The following MAST4 variants were observed in gnomAD, a reference collection of about 807,000 sequenced individuals.
MAST4 encodes microtubule-associated serine/threonine-protein kinase 4.
In MAST4, 89 loss-of-function variants were observed where a neutral mutation model predicts 162.7. That is an observed-to-expected ratio of 0.55 (90% CI 0.46 to 0.65). The LOEUF is 0.65. Ranked by LOEUF, MAST4 falls within the 30% of genes least tolerant of loss-of-function variation. MAST4 has a pLI of 0.00. For synonymous variants in MAST4, 1,479 were observed against 1,361.1 expected (o/e 1.09, Z -1.91); for missense variants, 3,153 against 3,374.0 (o/e 0.93, Z 1.62).
At chr5:66,641,287 G>T (rs1049044595) in intron 1 of MAST4, among the ~76,000 whole-genome samples, 2 of 152,104 alleles carry the variant, frequency 1.3e-5, no homozygotes, top group African/African-American at 4.8e-5. Flanking sequence ...GAGTAGCTGG[G>T]ACTATGGGAA....
In MAST4 at chr5:66,762,959, C is replaced by T. The variant is rs762641701; in HGVS notation, c.517+3097C>T. Among the ~76,000 whole-genome samples, 10 of 152,284 alleles carry T rather than the reference C, an allele frequency of 6.6e-5. 1 individual carries two copies. In the East Asian group the frequency reaches 1.9e-3, roughly 29 times the overall value. ...TTATAATGATAGCTAATATTAAAAG[C>T]TTACTGTGTAGCAGGCATTGTGTTT... On this transcript the variant is annotated intron_variant, in intron 2 of 28. Coordinates refer to ENST00000403625, the MANE Select transcript of MAST4 (RefSeq NM_001164664.2).
intron 3 of MAST4, among the ~76,000 whole-genome samples, chr5:66,855,418 T>G (rs573136408): frequency 2.0e-5 from 3 of 152,280 alleles, no homozygotes; most frequent in Non-Finnish European, 4.4e-5. Flanking sequence ...TTTATAGCAA[T>G]GGAAGAATGG....
At position 66,973,289 on chromosome 5, in the gene MAST4, GT is replaced by G. The variant is rs199660691; in HGVS notation, c.674+73320del. On this transcript the variant is annotated intron_variant, in intron 4 of 28. Transcript: ENST00000403625. ...TGTTTCAAAAAATGTGTCTGTGAAA[GT>G]TTTTTTTTTTTTATGTCAGAATCCA... Among the ~76,000 whole-genome samples, 1,095 of 144,618 alleles carry G rather than the reference GT, an allele frequency of 7.6e-3. 7 individuals carry two copies. Among genetic ancestry groups the G allele is most frequent in the African/African-American group, 0.019 (749 of 39,650 alleles). 94.9% of individuals were successfully genotyped at this position (144,618 alleles called of 152,430 possible). A position where few individuals can be genotyped will look rare whatever the true frequency, so the allele number is the denominator to read the frequency against.
chr5:67,078,911 A>AATAAATAAATAAAT lies in MAST4; in HGVS notation c.764-11248_764-11247insAATAAATAAATATA, dbSNP rs1227485756. 2.0e-3 allele frequency among the ~76,000 whole-genome samples: 76 copies of AATAAATAAATAAAT among 38,096 alleles called. 5 individuals are homozygous for AATAAATAAATAAAT. The highest frequency in any genetic ancestry group is 8.7e-3 in the African/African-American group (70 of 8,068). 25.0% of individuals were successfully genotyped at this position (38,096 alleles called of 152,430 possible). ...TTATATATTTATATATTTTTATATA[A>AATAAATAAATAAAT]ATATATATATATATATATATATATA... On this transcript the variant is annotated intron_variant, in intron 5 of 28. Transcript: ENST00000403625.
intron 2 of MAST4, among the ~76,000 whole-genome samples, chr5:66,762,121 G>A (rs987378629): frequency 2.0e-5 from 3 of 151,994 alleles, no homozygotes; most frequent in Non-Finnish European, 2.9e-5. Flanking sequence ...ATAAATAGCC[G>A]GACTTGATTC....
chr5:67,045,112 G>A (rs1204959373), intron 4 of MAST4, among the ~76,000 whole-genome samples: 2 of 152,122 alleles, frequency 1.3e-5, no homozygotes, highest in Non-Finnish European at 2.9e-5. Flanking sequence ...TTGAAGGCAG[G>A]GACCACATTT....
chr5:67,069,009 C>T (rs1581425016), intron 5 of MAST4, among the ~76,000 whole-genome samples: 1 of 151,778 alleles, frequency 6.6e-6, no homozygotes, highest in East Asian at 1.9e-4. Flanking sequence ...ACACCCTTCT[C>T]GTTGGTGGAG....
Position 67,160,555 on chromosome 5 carries a change from C to T in MAST4, c.3748C>T (p.Arg1250Trp), listed in dbSNP as rs1204808675. The T allele has an allele frequency of 5.6e-6, 9 of 1,613,098 alleles. No individual in the cohort carries two copies. The highest frequency in any genetic ancestry group is 4.5e-5 in the East Asian group (2 of 44,824). The change falls in exon 27 of 29, where the codon CGG (arginine) becomes TGG (tryptophan). Residue 1250 changes from arginine to tryptophan, a missense_variant. Physicochemically the swap from Arg to Trp is moderately radical, Grantham distance 101 (BLOSUM62 -3). Around this residue, in one of 7 missense-constraint regions of MAST4, gnomAD observed 619 missense variants for 744.2 expected, o/e 0.83. Transcript: ENST00000403625. ...CAGCTATAAGAGCCGGATGGTGAGGCGGAGCAAGAAATCCAAGAAGAAAGA... is the reference window on the plus strand; with the variant it reads ...CAGCTATAAGAGCCGGATGGTGAGGTGGAGCAAGAAATCCAAGAAGAAAGA... ...RNSYKSRMVR[R>W]SKKSKKKESL...
At chr5:66,701,749 G>A (rs1749789834) in intron 1 of MAST4, among the ~76,000 whole-genome samples, 1 of 152,042 alleles carries the variant, frequency 6.6e-6, no homozygotes, top group African/African-American at 2.4e-5. Context: ...GTTGCTTCAG[G>A]TTTTTTAACC....
chr5:67,024,927 C>A (rs1173163515), intron 4 of MAST4, among the ~76,000 whole-genome samples: 1 of 151,838 alleles, frequency 6.6e-6, no homozygotes, highest in Non-Finnish European at 1.5e-5. Context: ...TTTTATATAA[C>A]TGTGTACCCC....
In MAST4 at chr5:67,104,673, C is replaced by T; in HGVS notation, c.1356+98C>T. On this transcript the variant is annotated intron_variant, in intron 10 of 28. Transcript: ENST00000403625. ...AGTTATAACCATGAAATGGAGTTCA[C>T]ATTCCAGAGAAGCAAAAAAGAAGGA... 3 of 721,586 alleles carry T rather than the reference C, an allele frequency of 4.2e-6. 1 individual carries two copies. The South Asian group carries it at 6.2e-5, about 15-fold the overall frequency. 44.7% of individuals were successfully genotyped at this position (721,586 alleles called of 1,614,324 possible).
intron 4 of MAST4, among the ~76,000 whole-genome samples, chr5:66,995,305 T>A (rs778095157): frequency 6.6e-6 from 1 of 152,224 alleles, no homozygotes; most frequent in Non-Finnish European, 1.5e-5. Context: ...TTCTTAAGTT[T>A]GTAAACTCTT....
intron 3 of MAST4, among the ~76,000 whole-genome samples, chr5:66,815,093 T>C (rs1194728848): frequency 6.6e-6 from 1 of 152,240 alleles, no homozygotes; most frequent in Non-Finnish European, 1.5e-5. Flanking sequence ...ATAGACTTCA[T>C]GTTGCTAGAA....
intron 21 of MAST4, among the ~76,000 whole-genome samples, chr5:67,143,670 T>C (rs1199593422): frequency 6.6e-6 from 1 of 152,184 alleles, no homozygotes; most frequent in African/African-American, 2.4e-5. Flanking sequence ...TACCCTCCTG[T>C]GTATGGGAAT....
At position 67,004,909 on chromosome 5, in the gene MAST4, TGGC is replaced by T; in HGVS notation, c.675-49494_675-49492del. The T allele has an allele frequency of 5.8e-6, 4 of 694,394 alleles. No individual in the cohort carries two copies. The Admixed American group carries it at 6.6e-5, about 11-fold the overall frequency. 43.0% of individuals were successfully genotyped at this position (694,394 alleles called of 1,614,324 possible). On this transcript the variant is annotated intron_variant, in intron 4 of 28. Transcript: ENST00000403625. ...ATAATTGGGATTTTTTTTTTATTTTTGGCCTTGTCTTTCTTCCTTTTTTTTACC... is the reference window on the plus strand; with the variant it reads ...ATAATTGGGATTTTTTTTTTATTTTTCTTGTCTTTCTTCCTTTTTTTTACC...
intron 3 of MAST4, among the ~76,000 whole-genome samples, chr5:66,880,785 A>T (rs1761641752): frequency 6.6e-6 from 1 of 152,230 alleles, no homozygotes; most frequent in South Asian, 2.1e-4. Context: ...GAAACACAGT[A>T]TTAAAGCACT....
At chr5:66,668,739 C>T (rs1747424305) in intron 1 of MAST4, among the ~76,000 whole-genome samples, 3 of 152,228 alleles carry the variant, frequency 2.0e-5, no homozygotes. Context: ...AGAGAATCTT[C>T]AGGACATCAG....
chr5:67,109,887 G>C (rs1018691776), intron 10 of MAST4, among the ~76,000 whole-genome samples: 1 of 152,140 alleles, frequency 6.6e-6, no homozygotes, highest in African/African-American at 2.4e-5. Context: ...TGCAATTAAG[G>C]TTTAGCTAAT....
intron 1 of MAST4, among the ~76,000 whole-genome samples, chr5:66,697,873 A>T (rs929125563): frequency 6.6e-6 from 1 of 152,342 alleles, no homozygotes; most frequent in African/African-American, 2.4e-5. Flanking sequence ...AATAACATTT[A>T]TGAGTACAAA....
Sources: gnomAD v4.1 joint callset for allele counts (sites outside exome capture counted in the v4.1 genomes callset) on GRCh38, gnomAD v4.1.1 for gene constraint, gnomAD v4.1.1 regional missense constraint, MANE v1.5 for transcripts, NCBI Gene and HGNC (gene_info 2026-07-23, HGNC 2026-07-21) for gene names.